RPS6KC1: variants seen among roughly 807,000 people sequenced by gnomAD.
RPS6KC1 encodes ribosomal protein S6 kinase C1.
Under a neutral mutation model 103.8 loss-of-function variants are expected in RPS6KC1, and 54 were observed. That is an observed-to-expected ratio of 0.52 (90% CI 0.42 to 0.65). RPS6KC1 has a LOEUF of 0.65. Ranked by LOEUF, RPS6KC1 falls within the 30% of genes least tolerant of loss-of-function variation. The pLI is 0.00. For synonymous variants in RPS6KC1, 439 were observed against 438.7 expected (o/e 1.00, Z -0.01); for missense variants, 1,151 against 1,253.8 (o/e 0.92, Z 1.24).
At chr1:213,810,828 T>C in the RPS6KC1 span, among the ~76,000 whole-genome samples, 2 of 152,170 alleles carry the variant, frequency 1.3e-5, no homozygotes, top group Non-Finnish European at 2.9e-5. Flanking sequence ...CATCCTCATT[T>C]TACAGATAAG....
At chr1:213,527,251 C>T in the RPS6KC1 span, among the ~76,000 whole-genome samples, 1 of 152,200 alleles carries the variant, frequency 6.6e-6, no homozygotes. Flanking sequence ...TCAGGCACTG[C>T]TCCTGTGGAA....
the RPS6KC1 span, among the ~76,000 whole-genome samples, chr1:213,664,306 A>G: frequency 1.3e-5 from 2 of 149,320 alleles, no homozygotes; most frequent in Non-Finnish European, 3.0e-5. Flanking sequence ...CCATTGTCAC[A>G]TGGAATTCAC....
chr1:213,334,462 A>T, the RPS6KC1 span, among the ~76,000 whole-genome samples: 1 of 152,316 alleles, frequency 6.6e-6, no homozygotes, highest in Non-Finnish European at 1.5e-5. Flanking sequence ...ATCCAAATGA[A>T]ATGTATCAGC....
chr1:213,627,532 C>T, the RPS6KC1 span, among the ~76,000 whole-genome samples: 2 of 152,030 alleles, frequency 1.3e-5, no homozygotes, highest in Non-Finnish European at 2.9e-5. Flanking sequence ...CAGTTTTTGC[C>T]CATTCAGTAT....
the RPS6KC1 span, among the ~76,000 whole-genome samples, chr1:213,576,188 T>A: frequency 6.6e-6 from 1 of 151,998 alleles, no homozygotes; most frequent in African/African-American, 2.4e-5. Flanking sequence ...GGAAAACAGT[T>A]TAAAAAGAAC....
intron 6 of RPS6KC1, among the ~76,000 whole-genome samples, chr1:213,155,995 TTACCA>T (rs2089845656): frequency 1.3e-5 from 2 of 152,204 alleles, no homozygotes; most frequent in African/African-American, 2.4e-5. Context: ...ATTCAAAATG[TTACCA>T]TTCATGCATA....
chr1:213,117,728 G>T (rs901394349), intron 5 of RPS6KC1, among the ~76,000 whole-genome samples: 5 of 151,522 alleles, frequency 3.3e-5, no homozygotes, highest in African/African-American at 1.2e-4. Flanking sequence ...TCTAGTGTAA[G>T]AAGGCCTTAC....
the RPS6KC1 span, among the ~76,000 whole-genome samples, chr1:213,310,226 C>T: frequency 1.3e-5 from 2 of 152,186 alleles, no homozygotes; most frequent in South Asian, 4.1e-4. Context: ...AGAGGTCAGA[C>T]CTTATTCCTC....
intron 8 of RPS6KC1, among the ~76,000 whole-genome samples, chr1:213,185,516 T>TACAG (rs2092481501): frequency 6.6e-6 from 1 of 151,944 alleles, no homozygotes; most frequent in Admixed American, 6.6e-5. Flanking sequence ...GGCATGGTGG[T>TACAG]CCATGCCTGT....
chr1:213,727,307 G>T, the RPS6KC1 span, among the ~76,000 whole-genome samples: 7 of 152,158 alleles, frequency 4.6e-5, no homozygotes, highest in African/African-American at 1.7e-4. Flanking sequence ...TATCCTCTGT[G>T]CAAATACTAA....
chr1:213,266,901 CTCAAACAA>C lies in RPS6KC1; in HGVS notation c.3090+4086_3090+4093del, dbSNP rs751596094. Among the ~76,000 whole-genome samples, 21 of 127,798 alleles carry C rather than the reference CTCAAACAA, an allele frequency of 1.6e-4. 1 individual carries two copies. Among genetic ancestry groups the C allele is most frequent in the East Asian group, 4.7e-4 (2 of 4,294 alleles). 83.8% of individuals were successfully genotyped at this position (127,798 alleles called of 152,430 possible). On this transcript the variant is annotated intron_variant, in intron 14 of 14. Coordinates refer to ENST00000366960, the MANE Select transcript of RPS6KC1 (RefSeq NM_012424.6). ...CTGGGCAACAATATTGAGGCTCCGTCTCAAACAAACAAACAAACAAACAAACAAACAAA... is the reference window on the plus strand; with the variant it reads ...CTGGGCAACAATATTGAGGCTCCGTCACAAACAAACAAACAAACAAACAAA...
intron 4 of RPS6KC1, among the ~76,000 whole-genome samples, chr1:213,107,998 A>G (rs926469249): frequency 2.0e-5 from 3 of 152,212 alleles, no homozygotes; most frequent in Non-Finnish European, 2.9e-5. Flanking sequence ...TTCTGAATAT[A>G]TTCTGTATAA....
the RPS6KC1 span, among the ~76,000 whole-genome samples, chr1:213,771,395 G>A: frequency 9.8e-5 from 15 of 152,306 alleles, no homozygotes; most frequent in African/African-American, 3.6e-4. Flanking sequence ...TTATGAGGGT[G>A]GGGTAAGAAG....
chr1:213,844,755 A>G, the RPS6KC1 span, among the ~76,000 whole-genome samples: 1 of 152,198 alleles, frequency 6.6e-6, no homozygotes, highest in Non-Finnish European at 1.5e-5. Context: ...TCAGTTTTAT[A>G]TGAATGGAGA....
At chr1:213,301,396 A>G in the RPS6KC1 span, among the ~76,000 whole-genome samples, 1 of 152,206 alleles carries the variant, frequency 6.6e-6, no homozygotes, top group South Asian at 2.1e-4. Flanking sequence ...CATTATAGAC[A>G]ATGGACAACA....
At chr1:213,404,209 G>A in the RPS6KC1 span, among the ~76,000 whole-genome samples, 1 of 152,294 alleles carries the variant, frequency 6.6e-6, no homozygotes. Flanking sequence ...GGTATTGGCC[G>A]TGGGCTGCCT....
chr1:213,704,593 A>T, the RPS6KC1 span, among the ~76,000 whole-genome samples: 1 of 152,170 alleles, frequency 6.6e-6, no homozygotes, highest in Non-Finnish European at 1.5e-5. Flanking sequence ...TCTGTTTGAA[A>T]GTTCACATAT....
At chr1:213,171,172 A>G (rs1368977712) in intron 7 of RPS6KC1, among the ~76,000 whole-genome samples, 2 of 152,122 alleles carry the variant, frequency 1.3e-5, no homozygotes, top group Non-Finnish European at 2.9e-5. Flanking sequence ...CCAGTCATTC[A>G]TGTTAATATC....
At chr1:213,209,862 C>T (rs1160012241) in intron 8 of RPS6KC1, among the ~76,000 whole-genome samples, 1 of 151,986 alleles carries the variant, frequency 6.6e-6, no homozygotes, top group African/African-American at 2.4e-5. Flanking sequence ...GTGTGAATTT[C>T]CCAGAACTGA....
Sources: gnomAD v4.1 joint callset for allele counts (sites outside exome capture counted in the v4.1 genomes callset) on GRCh38, gnomAD v4.1.1 for gene constraint, MANE v1.5 for transcripts, NCBI Gene and HGNC (gene_info 2026-07-23, HGNC 2026-07-21) for gene names.